RCC1L: variants seen among roughly 807,000 people sequenced by gnomAD.
RCC1L encodes the protein RCC1-like G exchanging factor-like protein.
In RCC1L, 46 loss-of-function variants were observed where a neutral mutation model predicts 58.6. That is an observed-to-expected ratio of 0.79 (90% CI 0.62 to 1.00). The LOEUF is 1.00. RCC1L is among the 50% of genes least tolerant of loss of function. RCC1L has a pLI of 0.00. For synonymous variants in RCC1L, 281 were observed against 262.9 expected, an observed-to-expected ratio of 1.07 and a Z score of -0.67; for missense variants, 636 against 623.6, an observed-to-expected ratio of 1.02 and a Z score of -0.21.
Position 75,042,309 on chromosome 7 carries a change from G to A in RCC1L, c.*723C>T, listed in dbSNP as rs587703088. 12,937 of 985,472 alleles carry A rather than the reference G, an allele frequency of 0.013. 93 individuals carry two copies. Among genetic ancestry groups the A allele is most frequent in the Middle Eastern group, 0.021 (40 of 1,914 alleles). The allele number at this position is 985,472 out of a possible 1,614,324, so 61.0% of individuals were successfully genotyped here. On this transcript the variant is annotated 3_prime_UTR_variant, in exon 11 of 11. Coordinates refer to ENST00000610322, the MANE Select transcript of RCC1L (RefSeq NM_030798.5). ...CACAATTTCTGGATCTTCCTCCTCC[G>A]CCTGGCACTGCAGCTGAGCCTTGGC...
intron 3 of RCC1L, among the ~76,000 whole-genome samples, chr7:75,064,969 C>A (rs1019688201): frequency 6.6e-6 from 1 of 152,070 alleles, no homozygotes; most frequent in Non-Finnish European, 1.5e-5. Flanking sequence ...CTAAATGCAG[C>A]GCCTCTGCCC....
chr7:75,073,490 C>G lies in RCC1L; in HGVS notation c.248G>C (p.Gly83Ala). The change falls in exon 1 of 11, where the codon GGG (glycine) becomes GCG (alanine). Residue 83 changes from glycine (G) to alanine (A), a missense_variant. Coordinates refer to ENST00000610322, the MANE Select transcript of RCC1L (RefSeq NM_030798.5). ...GVPSFVVPSS[G>A]PGPRAGARPR... ...TCGGGCGCCGGCGCGGGGCCCGGGC[C>G]CGGAGCTGGGCACCACAAAGGAAGG... The G allele has an allele frequency of 7.2e-7, 1 of 1,392,518 alleles. No individual in the cohort carries two copies. The highest frequency in any genetic ancestry group is 9.3e-7 in the Non-Finnish European group (1 of 1,078,668). 86.3% of individuals were successfully genotyped at this position (1,392,518 alleles called of 1,614,324 possible). A position where few individuals can be genotyped will look rare whatever the true frequency, so the allele number is the denominator to read the frequency against.
intron 2 of RCC1L, among the ~76,000 whole-genome samples, chr7:75,068,311 ACT>A (rs1448670334): frequency 8.6e-6 from 1 of 116,296 alleles, no homozygotes; most frequent in Non-Finnish European, 1.7e-5. Flanking sequence ...CGAGAGTGAA[ACT>A]CTGACTCAAA....
downstream of RCC1L, among the ~76,000 whole-genome samples, chr7:75,038,159 G>A (rs971956901): frequency 6.6e-6 from 1 of 152,222 alleles, no homozygotes; most frequent in Non-Finnish European, 1.5e-5. Flanking sequence ...TGCCCTCATG[G>A]CCATCTCTGA....
chr7:75,061,245 TCTC>T lies in RCC1L; in HGVS notation c.746_748del (p.Gly249del), dbSNP rs1240566687. On this transcript the variant is annotated inframe_deletion, in exon 6 of 11. Transcript: ENST00000610322. Reference sequence around the variant, plus strand: ...AGCACCCCATCCACAAGAATAGACTTCTCCTTTATCCGTCAGGAACAGACTATG... The same window carrying T: ...AGCACCCCATCCACAAGAATAGACTTCTTTATCCGTCAGGAACAGACTATG... 1.9e-6 allele frequency: 3 copies of T among 1,613,288 alleles called. No homozygotes were observed. Among genetic ancestry groups the T allele is most frequent in the African/African-American group, 1.3e-5 (1 of 74,752 alleles).
At chr7:75,053,323 C>T (rs1805978650) in intron 9 of RCC1L, among the ~76,000 whole-genome samples, 1 of 152,020 alleles carries the variant, frequency 6.6e-6, no homozygotes. Context: ...TGCACACGGC[C>T]CACTCTGCTC....
Position 75,042,777 on chromosome 7 carries a change from C to T in RCC1L, c.*255G>A, listed in dbSNP as rs921985740. 2.8e-6 allele frequency: 4 copies of T among 1,418,960 alleles called. No homozygotes were observed. Among genetic ancestry groups the T allele is most frequent in the South Asian group, 1.5e-5 (1 of 65,378 alleles). 87.9% of individuals were successfully genotyped at this position (1,418,960 alleles called of 1,614,324 possible). ...GCATGTTACTTGGAGAGAACAGAGA[C>T]GTGCGGGCCACAGCGGCCCACCAAA... is the stretch of plus-strand genomic sequence containing the variant. On this transcript the variant is annotated 3_prime_UTR_variant, in exon 11 of 11. Coordinates refer to ENST00000610322, the MANE Select transcript of RCC1L (RefSeq NM_030798.5).
rs1203809780 is a variant in RCC1L, at chr7:75,042,335, G to A, written c.*697C>T. 6.1e-6 allele frequency: 6 copies of A among 985,392 alleles called. No individual in the cohort carries two copies. Among genetic ancestry groups the A allele is most frequent in the Admixed American group, 6.1e-5 (1 of 16,272 alleles). 61.0% of individuals were successfully genotyped at this position (985,392 alleles called of 1,614,324 possible). On this transcript the variant is annotated 3_prime_UTR_variant, in exon 11 of 11. Coordinates refer to ENST00000610322, the MANE Select transcript of RCC1L (RefSeq NM_030798.5). ...CCTGGCACTGCAGCTGAGCCTTGGC[G>A]GATATGCTCGGGGCCCTCGGCGCAG...
exon 11 of RCC1L, chr7:75,027,855 G>C: frequency 1.4e-6 from 1 of 722,750 alleles, no homozygotes; most frequent in Non-Finnish European, 2.4e-6. Context: ...GTGTGAGTGT[G>C]GTTTTTCCCA....
downstream of RCC1L, among the ~76,000 whole-genome samples, chr7:75,040,225 C>T (rs915637364): frequency 4.0e-4 from 61 of 152,278 alleles, no homozygotes; most frequent in South Asian, 8.3e-4. Flanking sequence ...TTTTGGAGGC[C>T]GAGGTGGGCG....
In RCC1L at chr7:75,052,602, C is replaced by T. The variant is rs1805946558; in HGVS notation, c.1317+109G>A. The T allele has an allele frequency of 3.0e-6, 3 of 1,000,150 alleles. No individual in the cohort carries two copies. The Admixed American group carries it at 6.1e-5, about 20-fold the overall frequency. The allele number at this position is 1,000,150 out of a possible 1,614,324, so 62.0% of individuals were successfully genotyped here. On this transcript the variant is annotated intron_variant, in intron 10 of 10. Transcript: ENST00000610322. ...TGCAGCCAGGACCCGGAAGGGGGAG[C>T]AGGTCCCATGGCCCTCGTCCTGGCC...
chr7:75,048,824 G>A (rs962642462), intron 10 of RCC1L, among the ~76,000 whole-genome samples: 10 of 152,204 alleles, frequency 6.6e-5, no homozygotes, highest in Non-Finnish European at 2.9e-5. Flanking sequence ...CTTCAGGCTC[G>A]CCCAGGGAGG....
At chr7:75,064,757 C>T (rs1351311397) in intron 3 of RCC1L, 109 bp from the exon 4 acceptor site, 18 of 1,204,428 alleles carry the variant, frequency 1.5e-5, no homozygotes, top group South Asian at 2.4e-5. Flanking sequence ...CTCACCCCCA[C>T]CCCCCAACTG....
chr7:75,070,765 G>T lies in RCC1L; in HGVS notation c.329C>A (p.Ser110Ter), dbSNP rs782230618. 1.9e-6 allele frequency: 3 copies of T among 1,613,910 alleles called. No individual in the cohort carries two copies. In the South Asian group the frequency reaches 3.3e-5, roughly 18 times the overall value. ...PYRLELDQKI[S>*]SAACGYGFTL... ...GAATCCATAGCCGCAAGCAGCAGATGAAATCTGAAAAGCAGTTCCCACAAA... is the reference window on the plus strand; with the variant it reads ...GAATCCATAGCCGCAAGCAGCAGATTAAATCTGAAAAGCAGTTCCCACAAA... Residue 110 changes from serine (S) to a stop codon, truncating the protein, a stop_gained, in exon 2 of 11, where the codon TCA becomes TAA. Coordinates refer to ENST00000610322, the MANE Select transcript of RCC1L (RefSeq NM_030798.5). LOFTEE classifies it high-confidence loss of function.
At chr7:75,062,141 T>C (rs1485779461) in intron 5 of RCC1L, among the ~76,000 whole-genome samples, 1 of 149,504 alleles carries the variant, frequency 6.7e-6, no homozygotes, top group Non-Finnish European at 1.5e-5. Context: ...TGAGCTGAGA[T>C]TGTGCCACTG....
At position 75,042,969 on chromosome 7, in the gene RCC1L, T is replaced by C. The variant is rs1404787768; in HGVS notation, c.*63A>G. On this transcript the variant is annotated 3_prime_UTR_variant, in exon 11 of 11. Coordinates refer to ENST00000610322, the MANE Select transcript of RCC1L (RefSeq NM_030798.5). ...GAACCCCGGGGGGCTGGCCACGCGC[T>C]GGCCTCTGCCAAGGAGTGCCAGTGG... The C allele has an allele frequency of 5.0e-6, 8 of 1,612,998 alleles. No homozygotes were observed. Among genetic ancestry groups the C allele is most frequent in the Admixed American group, 1.7e-5 (1 of 59,842 alleles).
At chr7:75,035,708 TAAA>T (rs1333220952) in intron 10 of RCC1L, among the ~76,000 whole-genome samples, 2 of 144,050 alleles carry the variant, frequency 1.4e-5, no homozygotes, top group Admixed American at 1.4e-4. Flanking sequence ...TATTATATAT[TAAA>T]AAAAAAAAGC....
At chr7:75,050,444 T>C (rs1160234914) in intron 10 of RCC1L, among the ~76,000 whole-genome samples, 4 of 152,220 alleles carry the variant, frequency 2.6e-5, no homozygotes, top group Admixed American at 6.5e-5. Flanking sequence ...CATGCCCTTA[T>C]GGCAGGGGCA....
At chr7:75,038,160 C>T (rs980264057), downstream of RCC1L, among the ~76,000 whole-genome samples, 1 of 152,218 alleles carries the variant, frequency 6.6e-6, no homozygotes, top group Non-Finnish European at 1.5e-5. Context: ...GCCCTCATGG[C>T]CATCTCTGAA....
Sources: gnomAD v4.1 joint callset for allele counts (sites outside exome capture counted in the v4.1 genomes callset) on GRCh38, gnomAD v4.1.1 for gene constraint, MANE v1.5 for transcripts, NCBI Gene and HGNC (gene_info 2026-07-23, HGNC 2026-07-21) for gene names.